The following SERPINH1 variants were observed in gnomAD, a reference collection of about 807,000 sequenced individuals.
The protein encoded by SERPINH1 is serpin H1.
A neutral mutation model predicts 32.3 loss-of-function variants in SERPINH1; 22 were observed. The ratio of observed to expected loss-of-function variants is 0.68; its 90% CI spans 0.49 to 0.97. SERPINH1 has a LOEUF of 0.97. SERPINH1 is among the 50% of genes least tolerant of loss of function. The probability of loss-of-function intolerance (pLI) is 0.00; values close to 1 mark genes in which losing one functional copy is unlikely to be tolerated. For missense variants in SERPINH1, 543 were observed against 576.4 expected (o/e 0.94, Z 0.59); for synonymous variants, 251 against 245.9 (o/e 1.02, Z -0.19).
At chr11:75,571,135 T>C (rs1452551393) in intron 4 of SERPINH1, among the ~76,000 whole-genome samples, 1 of 152,062 alleles carries the variant, frequency 6.6e-6, no homozygotes, top group Non-Finnish European at 1.5e-5. Flanking sequence ...CTATCGAACA[T>C]TGGAAAAATA....
intron 1 of SERPINH1, among the ~76,000 whole-genome samples, chr11:75,564,945 TC>T (rs1479650498): frequency 6.6e-6 from 1 of 152,174 alleles, no homozygotes; most frequent in Non-Finnish European, 1.5e-5. Flanking sequence ...TTTCAAATGT[TC>T]GGTCTTCTTC....
rs779814242 is a variant in SERPINH1 at position 75,566,396 on chromosome 11, C to T, written c.47C>T (p.Ala16Val). Residue 16 changes from alanine to valine, a missense_variant, in exon 2 of 5, where the codon GCC becomes GTC. Ala to Val is a moderately conservative substitution (Grantham distance 64). Coordinates refer to ENST00000358171, the MANE Select transcript of SERPINH1 (RefSeq NM_001235.5). ...AGCGCCTTCTGCCTCCTGGAGGCGGCCCTGGCCGCCGAGGTGAAGAAACCT... is the reference window on the plus strand; with the variant it reads ...AGCGCCTTCTGCCTCCTGGAGGCGGTCCTGGCCGCCGAGGTGAAGAAACCT... ...LLSAFCLLEA[A>V]LAAEVKKPAA... 6 of 1,610,210 alleles carry T rather than the reference C, an allele frequency of 3.7e-6. No individual in the cohort carries two copies. In the Admixed American group the frequency reaches 6.7e-5, roughly 18 times the overall value.
chr11:75,568,204 G>A (rs569745383), intron 2 of SERPINH1: 5 of 176,640 alleles, frequency 2.8e-5, no homozygotes, highest in East Asian at 2.8e-4. Flanking sequence ...TGGGAGGATC[G>A]CTGGAGCCTG....
intron 4 of SERPINH1, among the ~76,000 whole-genome samples, chr11:75,570,542 G>A (rs1469467773): frequency 7.9e-5 from 12 of 152,166 alleles, no homozygotes; most frequent in East Asian, 1.9e-4. Context: ...AATTTGAGGC[G>A]GATGACGTGT....
At chr11:75,565,905 C>T (rs1053636858) in intron 1 of SERPINH1, among the ~76,000 whole-genome samples, 5 of 152,186 alleles carry the variant, frequency 3.3e-5, no homozygotes, top group African/African-American at 1.2e-4. Context: ...CAGGTCTGGC[C>T]AAGTGACCCT....
Position 75,568,977 on chromosome 11 carries a change from C to A in SERPINH1, c.760C>A (p.Gln254Lys). 6.2e-7 allele frequency: 1 copy of A among 1,614,146 alleles called. No individual in the cohort carries two copies. The highest frequency in any genetic ancestry group is 8.5e-7 in the Non-Finnish European group (1 of 1,180,028). The change falls in exon 4 of 5, where the codon CAA (glutamine) becomes AAA (lysine). Residue 254 changes from glutamine (Q) to lysine (K), a missense_variant. Around this residue, in one of 3 missense-constraint regions of SERPINH1, gnomAD observed 427 missense variants for 446.4 expected, o/e 0.96. Coordinates refer to ENST00000358171, the MANE Select transcript of SERPINH1 (RefSeq NM_001235.5). The stretch of plus-strand genomic sequence containing the variant: ...CTACGACGACGAGAAGGAAAAGCTG[C>A]AAATCGTGGAGATGCCCCTGGCCCA... ...NYYDDEKEKL[Q>K]IVEMPLAHKL...
At chr11:75,571,757 T>G in intron 4 of SERPINH1, 24 bp from the exon 5 acceptor site, 9 of 1,611,140 alleles carry the variant, frequency 5.6e-6, no homozygotes, top group Non-Finnish European at 7.6e-6. Context: ...TGGCCTCACC[T>G]GGCACACCTC....
In SERPINH1 at chr11:75,569,172, G is replaced by T. The variant is rs747667737; in HGVS notation, c.954+1G>T. 9 of 1,600,932 alleles carry T rather than the reference G, an allele frequency of 5.6e-6. No homozygotes were observed. The highest frequency in any genetic ancestry group is 7.7e-6 in the Non-Finnish European group (9 of 1,172,890). ...GGTGGAGGTGACCCATGACCTGCAG[G>T]TAAGGGGTGGCCCAGCCTAGGGGCC... On this transcript the variant is annotated splice_donor_variant, in intron 4 of 4. Coordinates refer to ENST00000358171, the MANE Select transcript of SERPINH1 (RefSeq NM_001235.5). LOFTEE classifies it high-confidence loss of function.
intron 1 of SERPINH1, chr11:75,563,112 T>A (rs1056323971): frequency 6.6e-6 from 1 of 152,288 alleles, no homozygotes; most frequent in Non-Finnish European, 1.5e-5. Context: ...TTGGAGTAAC[T>A]GCAGGGTTTA....
At chr11:75,565,015 T>C (rs1942048701) in intron 1 of SERPINH1, among the ~76,000 whole-genome samples, 1 of 152,238 alleles carries the variant, frequency 6.6e-6, no homozygotes, top group African/African-American at 2.4e-5. Context: ...CCACCAGGAT[T>C]CCTTCTATCC....
At position 75,572,465 on chromosome 11, in the gene SERPINH1, A is replaced by C; in HGVS notation, c.*382A>C. The C allele has an allele frequency of 3.0e-6, 1 of 332,650 alleles. No homozygotes were observed. The highest frequency in any genetic ancestry group is 5.9e-6 in the Non-Finnish European group (1 of 170,820). The allele number at this position is 332,650 out of a possible 1,614,324, so 20.6% of individuals were successfully genotyped here. A position where few individuals can be genotyped will look rare whatever the true frequency, so the allele number is the denominator to read the frequency against. On this transcript the variant is annotated 3_prime_UTR_variant, in exon 5 of 5. Coordinates refer to ENST00000358171, the MANE Select transcript of SERPINH1 (RefSeq NM_001235.5). Reference sequence around the variant, plus strand: ...CAGCCAGCCCTCTTCTGACACTAAAACACCTCAGCTGCCTCCCCAGCTCTA... The same window carrying C: ...CAGCCAGCCCTCTTCTGACACTAAACCACCTCAGCTGCCTCCCCAGCTCTA...
At position 75,572,751 on chromosome 11, in the gene SERPINH1, AT is replaced by A. The variant is rs397761622; in HGVS notation, c.*678del. ...TATCAATCCAAGAACTTATTTGTAC[AT>A]TTTTTTTTTCAATAAAACTTTTCCA... is the stretch of plus-strand genomic sequence containing the variant. On this transcript the variant is annotated 3_prime_UTR_variant, in exon 5 of 5. Transcript: ENST00000358171. 49,189 of 150,926 alleles carry A rather than the reference AT, an allele frequency of 0.33. 8,154 individuals are homozygous for A. Among genetic ancestry groups the A allele is most frequent in the South Asian group, 0.49 (2,321 of 4,770 alleles). 9.3% of individuals were successfully genotyped at this position (150,926 alleles called of 1,614,324 possible).
intron 2 of SERPINH1, chr11:75,568,298 A>C: frequency 5.7e-6 from 1 of 176,484 alleles, no homozygotes; most frequent in Non-Finnish European, 1.1e-5. Context: ...TCTCAAAAAG[A>C]AAAAGATAAA....
chr11:75,570,461 T>C (rs79811905), intron 4 of SERPINH1, among the ~76,000 whole-genome samples: 1 of 152,202 alleles, frequency 6.6e-6, no homozygotes, highest in East Asian at 1.9e-4. Context: ...TCTCCCCTTG[T>C]TCCTCTGGTG....
At chr11:75,571,519 T>C (rs892493417) in intron 4 of SERPINH1, among the ~76,000 whole-genome samples, 1 of 152,194 alleles carries the variant, frequency 6.6e-6, no homozygotes, top group Non-Finnish European at 1.5e-5. Flanking sequence ...AGCTGGGCAG[T>C]GCCGGGATAC....
rs767477512 is a variant in SERPINH1, at chr11:75,566,436, T to A, written c.87T>A (p.Ala29=). 2.6e-5 allele frequency: 42 copies of A among 1,612,018 alleles called. No individual in the cohort carries two copies. Among genetic ancestry groups the A allele is most frequent in the Non-Finnish European group, 3.1e-5 (37 of 1,179,748 alleles). Residue 29 remains alanine, a synonymous_variant, in exon 2 of 5, where the codon GCT becomes GCA. Coordinates refer to ENST00000358171, the MANE Select transcript of SERPINH1 (RefSeq NM_001235.5). ...AEVKKPAAAA[A]PGTAEKLSPK... ...TGAAGAAACCTGCAGCCGCAGCAGC[T>A]CCTGGCACTGCGGAGAAGTTGAGCC...
At chr11:75,565,349 G>T (rs538034610) in intron 1 of SERPINH1, among the ~76,000 whole-genome samples, 2 of 152,298 alleles carry the variant, frequency 1.3e-5, no homozygotes, top group African/African-American at 4.8e-5. Flanking sequence ...ATGGGGAAGG[G>T]GGTCACTGCT....
chr11:75,565,098 G>A (rs1942050371), intron 1 of SERPINH1, among the ~76,000 whole-genome samples: 1 of 152,240 alleles, frequency 6.6e-6, no homozygotes, highest in African/African-American at 2.4e-5. Context: ...AGGGAGAGAG[G>A]GAGTGTGGAA....
chr11:75,572,081 T>C lies in SERPINH1; in HGVS notation c.1255T>C (p.Ter419GlnextTer16). 1.2e-6 allele frequency: 2 copies of C among 1,613,906 alleles called. No individual in the cohort carries two copies. Among genetic ancestry groups the C allele is most frequent in the Non-Finnish European group, 1.7e-6 (2 of 1,179,996 alleles). The change falls in exon 5 of 5, where the codon TAG becomes CAG. Residue 419 changes from the stop codon to glutamine, a stop_lost. Coordinates refer to ENST00000358171, the MANE Select transcript of SERPINH1 (RefSeq NM_001235.5). ...GGGTGACAAGATGCGAGACGAGTTATAGGGCCTCAGGGTGCACACAGGATG... is the reference window on the plus strand; with the variant it reads ...GGGTGACAAGATGCGAGACGAGTTACAGGGCCTCAGGGTGCACACAGGATG... ...PKGDKMRDEL* is the reference protein window; with the variant it reads ...PKGDKMRDELQ
Sources: gnomAD v4.1 joint callset for allele counts (sites outside exome capture counted in the v4.1 genomes callset) on GRCh38, gnomAD v4.1.1 for gene constraint, gnomAD v4.1.1 regional missense constraint, MANE v1.5 for transcripts, NCBI Gene and HGNC (gene_info 2026-07-23, HGNC 2026-07-21) for gene names.